Variants in RABL6 observed in about 807,000 individuals in gnomAD.
The protein encoded by RABL6 is rab-like protein 6.
Under a neutral mutation model 72.9 loss-of-function variants are expected in RABL6, and 28 were observed. The observed-to-expected ratio is 0.38, with a 90% confidence interval of 0.28 to 0.53. The LOEUF (loss-of-function observed/expected upper bound fraction) is 0.53. RABL6 is among the 20% of genes least tolerant of loss of function. The probability of loss-of-function intolerance (pLI) is 0.80; values close to 1 mark genes in which losing one functional copy is unlikely to be tolerated. For synonymous variants in RABL6, 477 were observed against 421.2 expected, an observed-to-expected ratio of 1.13 and a Z score of -1.62; for missense variants, 1,029 against 1,008.4, an observed-to-expected ratio of 1.02 and a Z score of -0.28.
intron 3 of RABL6, chr9:136,827,764 AG>A (rs1420985865): frequency 1.4e-4 from 21 of 152,210 alleles, no homozygotes; most frequent in African/African-American, 4.8e-4. Context: ...TAAACACATG[AG>A]CCCCATCTGT....
intron 1 of RABL6, among the ~76,000 whole-genome samples, chr9:136,817,207 T>C (rs1389894501): frequency 2.0e-5 from 3 of 152,052 alleles, no homozygotes; most frequent in Non-Finnish European, 4.4e-5. Context: ...TGGGAAGAGA[T>C]GTGCGGCCCA....
intron 8 of RABL6, 180 bp downstream of exon 8, chr9:136,836,025 CA>C (rs1420998280): frequency 3.3e-6 from 2 of 602,698 alleles, no homozygotes; most frequent in African/African-American, 1.9e-5. Flanking sequence ...GCAGCCCCCC[CA>C]CAGTCACCCC....
chr9:136,829,503 G>A lies in RABL6; in HGVS notation c.458+19G>A, dbSNP rs1848427017. On this transcript the variant is annotated intron_variant, in intron 5 of 14. Coordinates refer to ENST00000311502, the MANE Select transcript of RABL6 (RefSeq NM_024718.5). Reference sequence around the variant, plus strand: ...AGCAGTGGTAAGAGGGAGCTGGCGGGGGCAGCTGCCTGTGACTCTCACCCC... The same window carrying A: ...AGCAGTGGTAAGAGGGAGCTGGCGGAGGCAGCTGCCTGTGACTCTCACCCC... 2 of 1,555,834 alleles carry A rather than the reference G, an allele frequency of 1.3e-6. No homozygotes were observed. Among genetic ancestry groups the A allele is most frequent in the Non-Finnish European group, 1.7e-6 (2 of 1,147,756 alleles).
chr9:136,810,826 CCA>C (rs1847995830), intron 1 of RABL6, among the ~76,000 whole-genome samples: 1 of 152,222 alleles, frequency 6.6e-6, no homozygotes, highest in Admixed American at 6.5e-5. Flanking sequence ...CAGGCGTAAG[CCA>C]CCATGCCCGG....
At chr9:136,835,926 G>T (rs1848576771) in intron 8 of RABL6, 81 bp downstream of exon 8, 2 of 1,308,400 alleles carry the variant, frequency 1.5e-6, no homozygotes, top group Non-Finnish European at 2.1e-6. Flanking sequence ...CTGCACCAAG[G>T]AGACAGCAGA....
In RABL6 at chr9:136,837,982, TG is replaced by T; in HGVS notation, c.1252del (p.Ala418ProfsTer181). 1 of 1,569,226 alleles carries T rather than the reference TG, an allele frequency of 6.4e-7. No homozygotes were observed. Among genetic ancestry groups the T allele is most frequent in the Non-Finnish European group, 8.6e-7 (1 of 1,158,062 alleles). ...ACCCCCGCCAGGGACGAGAAGAAGG[TG>T]GGGGCCAAGGCTGCCCAGCAGGACA... ...DTTPARDEKKVGAKAAQQDSD... is the reference protein window; with the variant it reads ...DTTPARDEKKXGAKAAQQDSD... On this transcript the variant is annotated frameshift_variant, in exon 10 of 15. Transcript: ENST00000311502. LOFTEE classifies it high-confidence loss of function.
Position 136,839,227 on chromosome 9 carries a change from C to T in RABL6, c.1499C>T (p.Ser500Phe). 3 of 1,598,758 alleles carry T rather than the reference C, an allele frequency of 1.9e-6. No individual in the cohort carries two copies. Among genetic ancestry groups the T allele is most frequent in the Non-Finnish European group, 2.6e-6 (3 of 1,172,800 alleles). ...QCSEPETKWS[S>F]IPASKPRRGT... ...CCCTCTGCTTGTCCACAAAGGTCCT[C>T]CATACCAGCTTCGAAGCCACGGAGG... Residue 500 changes from serine to phenylalanine, a missense_variant, in exon 12 of 15, where the codon TCC becomes TTC. Transcript: ENST00000311502.
intron 5 of RABL6, 101 bp downstream of exon 5, chr9:136,829,585 C>A: frequency 1.9e-6 from 2 of 1,079,032 alleles, no homozygotes; most frequent in Admixed American, 2.0e-5. Context: ...CAGCATCGTT[C>A]TGCAGGACCG....
intron 10 of RABL6, 56 bp downstream of exon 10, chr9:136,838,071 G>T: frequency 6.5e-7 from 1 of 1,540,636 alleles, no homozygotes; most frequent in Non-Finnish European, 8.8e-7. Flanking sequence ...CAGGGTGCCC[G>T]AGCAGCAGGT....
chr9:136,819,211 A>G (rs1302231304), intron 1 of RABL6, among the ~76,000 whole-genome samples: 1 of 151,516 alleles, frequency 6.6e-6, no homozygotes. Context: ...AGTCCCAGCT[A>G]CTCGGGAGGC....
chr9:136,829,964 G>A (rs1466793768), intron 5 of RABL6, among the ~76,000 whole-genome samples: 1 of 152,242 alleles, frequency 6.6e-6, no homozygotes, highest in Non-Finnish European at 1.5e-5. Context: ...CTGTGGAGTC[G>A]CATGGGATCC....
intron 7 of RABL6, chr9:136,832,695 A>C (rs1057396578): frequency 1.6e-5 from 6 of 385,112 alleles, no homozygotes; most frequent in African/African-American, 6.2e-5. Flanking sequence ...GCAGTGGCGC[A>C]ATCATGGCTC....
At chr9:136,812,789 A>G (rs1451165192) in intron 1 of RABL6, 10 of 364,038 alleles carry the variant, frequency 2.7e-5, no homozygotes, top group African/African-American at 1.9e-4. Flanking sequence ...AAGCCGTTCA[A>G]ACTTTGTCTT....
intron 3 of RABL6, 122 bp from the exon 4 acceptor site, chr9:136,828,372 G>GGGGTGGTGGAGTA (rs1848401469): frequency 1.1e-6 from 1 of 932,788 alleles, no homozygotes. Flanking sequence ...CAGGCTGTTT[G>GGGGTGGTGGAGTA]GGGTGGTGGA....
At chr9:136,823,754 C>T (rs1373187049) in intron 2 of RABL6, 95 bp downstream of exon 2, 46 of 1,423,300 alleles carry the variant, frequency 3.2e-5, no homozygotes, top group Non-Finnish European at 4.1e-5. Flanking sequence ...GGGGGTCTCC[C>T]CGAAGAGTTC....
Position 136,839,255 on chromosome 9 carries a change from G to A in RABL6, c.1527G>A (p.Gly509=). The change falls in exon 12 of 15, where the codon GGG becomes GGA. Residue 509 remains glycine, a synonymous_variant. Transcript: ENST00000311502. The stretch of plus-strand genomic sequence containing the variant: ...TACCAGCTTCGAAGCCACGGAGGGG[G>A]ACAGCTCCCACGAGGACCGCAGCAC... The part of the protein sequence containing the change: ...SSIPASKPRR[G]TAPTRTAAPP... 1 of 1,605,330 alleles carries A rather than the reference G, an allele frequency of 6.2e-7. No individual in the cohort carries two copies. The highest frequency in any genetic ancestry group is 2.2e-5 in the East Asian group (1 of 44,520).
intron 2 of RABL6, 27 bp downstream of exon 2, chr9:136,823,686 T>C: frequency 6.3e-7 from 1 of 1,582,766 alleles, no homozygotes; most frequent in Non-Finnish European, 8.6e-7. Flanking sequence ...CCCCAGTGGG[T>C]TCGGGCTCCA....
In RABL6 at chr9:136,837,518, G is replaced by T; in HGVS notation, c.982G>T (p.Ala328Ser). ...QPAPQLPLNA[A>S]PPSSVPPVPP... Reference sequence around the variant, plus strand: ...CGCCCCACAGCTGCCCCTCAATGCCGCCCCACCATCCTCTGTGCCCCCTGT... The same window carrying T: ...CGCCCCACAGCTGCCCCTCAATGCCTCCCCACCATCCTCTGTGCCCCCTGT... The change falls in exon 9 of 15, where the codon GCC becomes TCC. Residue 328 changes from alanine (A) to serine (S), a missense_variant. By Grantham distance (99) the Ala-to-Ser change is moderately conservative (BLOSUM62 1). Coordinates refer to ENST00000311502, the MANE Select transcript of RABL6 (RefSeq NM_024718.5). The T allele has an allele frequency of 6.6e-7, 1 of 1,525,304 alleles. No homozygotes were observed. Among genetic ancestry groups the T allele is most frequent in the East Asian group, 2.4e-5 (1 of 40,920 alleles). 94.5% of individuals were successfully genotyped at this position (1,525,304 alleles called of 1,614,324 possible). A position where few individuals can be genotyped will look rare whatever the true frequency, so the allele number is the denominator to read the frequency against.
Position 136,840,418 on chromosome 9 carries a change from CCG to C in RABL6, c.2090_2091del (p.Arg697GlnfsTer9). On this transcript the variant is annotated frameshift_variant, in exon 15 of 15. Coordinates refer to ENST00000311502, the MANE Select transcript of RABL6 (RefSeq NM_024718.5). LOFTEE classifies it low-confidence loss of function (END_TRUNC). ...GCGGCGACGGCGGCAGCAGCGGCCCCCGCGCAGCAGGGAGAGGACGGCTGCCG... is the reference window on the plus strand; with the variant it reads ...GCGGCGACGGCGGCAGCAGCGGCCCCCGCAGCAGGGAGAGGACGGCTGCCG... ...EERRRRQQRP[P>X]RSRERTAADE... The C allele has an allele frequency of 6.5e-7, 1 of 1,550,092 alleles. No individual in the cohort carries two copies. Among genetic ancestry groups the C allele is most frequent in the Non-Finnish European group, 8.7e-7 (1 of 1,146,976 alleles).
Sources: gnomAD v4.1 joint callset for allele counts (sites outside exome capture counted in the v4.1 genomes callset) on GRCh38, gnomAD v4.1.1 for gene constraint, MANE v1.5 for transcripts, NCBI Gene and HGNC (gene_info 2026-07-23, HGNC 2026-07-21) for gene names.